Variants in TMEM232 observed in about 807,000 individuals in gnomAD.
The protein encoded by TMEM232 is transmembrane protein 232.
In TMEM232, 80 loss-of-function variants were observed where a neutral mutation model predicts 78.8. That is an observed-to-expected ratio of 1.01 (90% CI 0.85 to 1.22). The LOEUF (loss-of-function observed/expected upper bound fraction) is 1.22, where lower values mean the gene tolerates loss of function less well. Ranked by LOEUF, TMEM232 falls within the 50% of genes most tolerant of loss-of-function variation. The probability of loss-of-function intolerance (pLI) is 0.00; values close to 1 mark genes in which losing one functional copy is unlikely to be tolerated. For missense variants in TMEM232, 881 were observed against 742.2 expected (o/e 1.19, Z -2.17); for synonymous variants, 297 against 254.3 (o/e 1.17, Z -1.60).
intron 12 of TMEM232, among the ~76,000 whole-genome samples, chr5:110,432,518 A>G (rs1275509356): frequency 6.6e-6 from 1 of 151,716 alleles, no homozygotes; most frequent in African/African-American, 2.4e-5. Context: ...ACTTGCTCCC[A>G]CAAAAGCACA....
At chr5:110,611,649 T>G (rs1267283380) in intron 8 of TMEM232, among the ~76,000 whole-genome samples, 1 of 152,142 alleles carries the variant, frequency 6.6e-6, no homozygotes. Context: ...AGACACTGAT[T>G]GGGGCTGCAG....
Position 110,618,693 on chromosome 5 carries a change from T to G in TMEM232, c.769-131A>C. On this transcript the variant is annotated intron_variant, in intron 7 of 13. Coordinates refer to ENST00000455884, the MANE Select transcript of TMEM232 (RefSeq NM_001039763.4). ...ATGCATATTCTCTTACACTTTATAT[T>G]TCACCAAGTGGAGCAATTTACATAA... 3.0e-6 allele frequency: 3 copies of G among 986,506 alleles called. No individual in the cohort carries two copies. In the South Asian group the frequency reaches 5.6e-5, roughly 19 times the overall value. The allele number at this position is 986,506 out of a possible 1,614,324, so 61.1% of individuals were successfully genotyped here.
chr5:110,688,209 A>G (rs557661377), intron 1 of TMEM232, among the ~76,000 whole-genome samples: 255 of 152,310 alleles, frequency 1.7e-3, no homozygotes, highest in African/African-American at 5.7e-3. Context: ...TTTCATTTCT[A>G]TATGGATAAC....
chr5:110,597,448 T>G (rs1177066305), intron 10 of TMEM232, among the ~76,000 whole-genome samples: 1 of 152,082 alleles, frequency 6.6e-6, no homozygotes, highest in Non-Finnish European at 1.5e-5. Flanking sequence ...CCAAGGTAAT[T>G]TATAGATTCA....
chr5:110,665,163 T>G (rs1790393827), intron 2 of TMEM232, among the ~76,000 whole-genome samples: 1 of 152,160 alleles, frequency 6.6e-6, no homozygotes, highest in African/African-American at 2.4e-5. Context: ...TTTCTTAAAA[T>G]TTAAAAATCA....
chr5:110,462,716 T>C (rs1209029590), intron 12 of TMEM232, among the ~76,000 whole-genome samples: 1 of 152,164 alleles, frequency 6.6e-6, no homozygotes, highest in Non-Finnish European at 1.5e-5. Context: ...TATGAGTCAA[T>C]ACTCCTGAAT....
At chr5:110,507,836 C>T (rs769458626) in intron 12 of TMEM232, among the ~76,000 whole-genome samples, 3 of 152,120 alleles carry the variant, frequency 2.0e-5, no homozygotes, top group Non-Finnish European at 4.4e-5. Context: ...TAGAGAGAGA[C>T]CTGGAAAATC....
At chr5:110,628,967 A>G (rs1784779814) in intron 5 of TMEM232, 1 of 152,094 alleles carries the variant, frequency 6.6e-6, no homozygotes, top group South Asian at 2.1e-4. Context: ...CATCATTAAT[A>G]TTTATAAATG....
chr5:110,496,401 A>T (rs999100022), intron 12 of TMEM232, among the ~76,000 whole-genome samples: 2 of 151,958 alleles, frequency 1.3e-5, no homozygotes, highest in Non-Finnish European at 2.9e-5. Flanking sequence ...GAATAACGTA[A>T]TTTTCATATC....
intron 11 of TMEM232, 143 bp from the exon 12 acceptor site, chr5:110,528,978 A>T (rs759047373): frequency 4.5e-5 from 41 of 919,254 alleles, no homozygotes; most frequent in Non-Finnish European, 5.2e-5. Flanking sequence ...TAATCTTTAT[A>T]AAAAAATTGC....
chr5:110,652,947 G>C (rs1034712001), intron 2 of TMEM232, among the ~76,000 whole-genome samples: 3 of 152,130 alleles, frequency 2.0e-5, no homozygotes, highest in African/African-American at 7.2e-5. Flanking sequence ...AAGTCTCCTG[G>C]TTAAATAGGC....
intron 12 of TMEM232, among the ~76,000 whole-genome samples, chr5:110,508,974 A>G (rs955832988): frequency 7.3e-6 from 1 of 137,438 alleles, no homozygotes; most frequent in Non-Finnish European, 1.5e-5. Context: ...ATGTATATAT[A>G]TAAAATTATA....
chr5:110,719,062 C>T (rs1261462022), intron 1 of TMEM232, among the ~76,000 whole-genome samples: 7 of 152,068 alleles, frequency 4.6e-5, no homozygotes, highest in African/African-American at 1.7e-4. Flanking sequence ...GTAGCACCTA[C>T]TACACACCTA....
At chr5:110,602,091 G>A (rs150471343) in intron 10 of TMEM232, among the ~76,000 whole-genome samples, 5,232 of 152,032 alleles carry the variant, frequency 0.034, 130 homozygotes, top group African/African-American at 0.065. Flanking sequence ...CTGGCTAGCC[G>A]TATGCAGAAA....
chr5:110,510,347 A>C (rs1008403709), intron 12 of TMEM232, among the ~76,000 whole-genome samples: 1 of 152,190 alleles, frequency 6.6e-6, no homozygotes, highest in African/African-American at 2.4e-5. Flanking sequence ...AGTGAATGAC[A>C]CAACTATTCA....
intron 2 of TMEM232, among the ~76,000 whole-genome samples, chr5:110,652,539 T>G (rs1457899032): frequency 6.6e-6 from 1 of 152,216 alleles, no homozygotes; most frequent in Non-Finnish European, 1.5e-5. Flanking sequence ...GGATTATGGC[T>G]TGTAATACAT....
At chr5:110,490,615 T>C (rs1310459450) in intron 12 of TMEM232, among the ~76,000 whole-genome samples, 1 of 152,086 alleles carries the variant, frequency 6.6e-6, no homozygotes. Context: ...TTTCAAACTG[T>C]GGGACTGACA....
At chr5:110,669,591 A>G (rs1791090046) in intron 1 of TMEM232, among the ~76,000 whole-genome samples, 1 of 152,220 alleles carries the variant, frequency 6.6e-6, no homozygotes, top group South Asian at 2.1e-4. Context: ...AAACTATTCA[A>G]ATCAATAGAA....
intron 2 of TMEM232, among the ~76,000 whole-genome samples, chr5:110,733,274 C>T (rs1798846712): frequency 6.6e-6 from 1 of 152,196 alleles, no homozygotes; most frequent in Non-Finnish European, 1.5e-5. Context: ...CCACTGTGGA[C>T]AGCAGTGCGT....
Sources: allele counts gnomAD v4.1 joint callset (sites outside exome capture counted in the v4.1 genomes callset), GRCh38; gene constraint gnomAD v4.1.1; transcripts MANE v1.5; gene names NCBI Gene and HGNC (gene_info 2026-07-23, HGNC 2026-07-21).